PTPRD: variants seen among roughly 807,000 people sequenced by gnomAD.
PTPRD encodes receptor-type tyrosine-protein phosphatase delta.
Under a neutral mutation model 214.5 loss-of-function variants are expected in PTPRD, and 34 were observed. The ratio of observed to expected loss-of-function variants is 0.16; its 90% CI spans 0.12 to 0.21. The LOEUF is 0.21. Among genes scored for constraint, PTPRD ranks in the 10% least tolerant of loss-of-function variants. PTPRD has a pLI of 1.00. For synonymous variants in PTPRD, 1,128 were observed against 845.7 expected, an observed-to-expected ratio of 1.33 and a Z score of -5.79; for missense variants, 2,545 against 2,398.7, an observed-to-expected ratio of 1.06 and a Z score of -1.27.
chr9:8,932,298 C>T (rs963724699), intron 11 of PTPRD, among the ~76,000 whole-genome samples: 9 of 152,056 alleles, frequency 5.9e-5, no homozygotes, highest in South Asian at 2.1e-4. Context: ...GGGCATTTAG[C>T]GCAATAATTT....
intron 11 of PTPRD, among the ~76,000 whole-genome samples, chr9:8,980,417 T>C (rs1589246004): frequency 1.3e-5 from 2 of 152,130 alleles, no homozygotes; most frequent in East Asian, 3.9e-4. Context: ...CTACGTAAGA[T>C]GATAGATATG....
At chr9:9,964,344 C>G (rs1467175881) in intron 4 of PTPRD, among the ~76,000 whole-genome samples, 1 of 152,104 alleles carries the variant, frequency 6.6e-6, no homozygotes, top group African/African-American at 2.4e-5. Flanking sequence ...ATTTTGAAGA[C>G]AGGTGCAGGT....
intron 34 of PTPRD, among the ~76,000 whole-genome samples, chr9:8,447,463 T>C (rs944483122): frequency 1.1e-4 from 17 of 152,160 alleles, no homozygotes; most frequent in African/African-American, 3.9e-4. Flanking sequence ...TATTCCCAAA[T>C]ACATTGGGAA....
chr9:8,689,526 G>C (rs183649888), intron 12 of PTPRD, among the ~76,000 whole-genome samples: 2 of 152,284 alleles, frequency 1.3e-5, no homozygotes, highest in African/African-American at 4.8e-5. Context: ...AGAAAATAAG[G>C]AAGAGGCAAA....
intron 11 of PTPRD, among the ~76,000 whole-genome samples, chr9:8,865,016 G>A (rs1006483702): frequency 2.6e-5 from 4 of 152,094 alleles, no homozygotes; most frequent in African/African-American, 9.7e-5. Context: ...AGAAAATTTT[G>A]GGCCAGGTAT....
chr9:9,036,700 T>C (rs1374194061), intron 10 of PTPRD, among the ~76,000 whole-genome samples: 4 of 152,194 alleles, frequency 2.6e-5, no homozygotes, highest in Non-Finnish European at 5.9e-5. Context: ...AAATGTATTG[T>C]TTATCTTTAC....
intron 11 of PTPRD, among the ~76,000 whole-genome samples, chr9:8,845,204 G>T: frequency 6.6e-6 from 1 of 151,256 alleles, no homozygotes; most frequent in Admixed American, 6.6e-5. Context: ...ACACAATTCT[G>T]TGTTCCTCTG....
intron 21 of PTPRD, among the ~76,000 whole-genome samples, chr9:8,511,241 T>A (rs989806093): frequency 1.3e-4 from 20 of 152,012 alleles, no homozygotes; most frequent in African/African-American, 4.3e-4. Flanking sequence ...GCTAATTTTT[T>A]AATGTTTTTT....
chr9:9,872,850 C>A (rs1451367051), intron 5 of PTPRD, among the ~76,000 whole-genome samples: 1 of 151,906 alleles, frequency 6.6e-6, no homozygotes, highest in Non-Finnish European at 1.5e-5. Flanking sequence ...CTGAAAGCAG[C>A]AATATTAATC....
chr9:10,348,976 TCAATTATCTTTGCAG>T (rs1189385742), intron 2 of PTPRD, among the ~76,000 whole-genome samples: 1 of 152,068 alleles, frequency 6.6e-6, no homozygotes, highest in Non-Finnish European at 1.5e-5. Context: ...GATCAACCTA[TCAATTATCTTTGCAG>T]GTACAGGGGA....
chr9:9,899,032 A>G (rs113786428), intron 5 of PTPRD, among the ~76,000 whole-genome samples: 2,509 of 152,252 alleles, frequency 0.016, 71 homozygotes, highest in African/African-American at 0.057. Flanking sequence ...CTAATAAGTG[A>G]GTTTTGCAAA....
At chr9:10,250,545 T>C (rs1264275977) in intron 3 of PTPRD, among the ~76,000 whole-genome samples, 1 of 152,148 alleles carries the variant, frequency 6.6e-6, no homozygotes, top group East Asian at 1.9e-4. Context: ...AGACAAGCAA[T>C]AATCCCTCTT....
chr9:8,388,118 T>C (rs1229266118), intron 37 of PTPRD, among the ~76,000 whole-genome samples: 2 of 152,198 alleles, frequency 1.3e-5, no homozygotes, highest in African/African-American at 4.8e-5. Flanking sequence ...GCTTTTGATT[T>C]CCCACCTTTG....
At chr9:9,425,894 A>G (rs1398459347) in intron 8 of PTPRD, among the ~76,000 whole-genome samples, 1 of 152,170 alleles carries the variant, frequency 6.6e-6, no homozygotes, top group Non-Finnish European at 1.5e-5. Context: ...ATGCAACAAT[A>G]AAAAGAATGA....
intron 12 of PTPRD, among the ~76,000 whole-genome samples, chr9:8,705,972 A>ATATG (rs1565431818): frequency 2.6e-5 from 4 of 152,192 alleles, no homozygotes; most frequent in African/African-American, 9.7e-5. Flanking sequence ...CCATATGTGT[A>ATATG]AATTCCAAGC....
At chr9:10,096,919 A>C (rs1235356612) in intron 3 of PTPRD, among the ~76,000 whole-genome samples, 1 of 151,454 alleles carries the variant, frequency 6.6e-6, no homozygotes, top group African/African-American at 2.4e-5. Flanking sequence ...TTTTTTTAAG[A>C]TGTAAGGAAG....
intron 9 of PTPRD, among the ~76,000 whole-genome samples, chr9:9,242,756 A>G (rs934461850): frequency 6.6e-6 from 1 of 151,928 alleles, no homozygotes; most frequent in African/African-American, 2.4e-5. Context: ...TCTTTTTTCA[A>G]TGTTTTTAAC....
At chr9:8,762,293 T>C (rs1047241853) in intron 11 of PTPRD, among the ~76,000 whole-genome samples, 5 of 152,134 alleles carry the variant, frequency 3.3e-5, no homozygotes, top group Non-Finnish European at 7.3e-5. Context: ...ATTTGTTTGG[T>C]TTTGTTTCCT....
rs12345293 is a variant in PTPRD at position 8,856,762 on chromosome 9, T to C, written c.-103-122816A>G. The stretch of plus-strand genomic sequence containing the variant: ...TGGAGAATGGAACTACTATCTGGAA[T>C]CCTGGAACACCAAATTAATGAAAGC... On this transcript the variant is annotated intron_variant, in intron 11 of 45. Transcript: ENST00000381196. Among the ~76,000 whole-genome samples, 960 of 152,316 alleles carry C rather than the reference T, an allele frequency of 6.3e-3. 12 individuals are homozygous for C. Among genetic ancestry groups the C allele is most frequent in the African/African-American group, 0.022 (903 of 41,560 alleles).
Sources: gnomAD v4.1 joint callset for allele counts (sites outside exome capture counted in the v4.1 genomes callset) on GRCh38, gnomAD v4.1.1 for gene constraint, MANE v1.5 for transcripts, NCBI Gene and HGNC (gene_info 2026-07-23, HGNC 2026-07-21) for gene names.